Variants in ANKMY2 observed in about 807,000 individuals in gnomAD.
ANKMY2 encodes the protein ankyrin repeat and MYND domain containing 2, also known as ankyrin repeat and MYND domain-containing protein 2.
ANKMY2 carries 36 observed loss-of-function variants against 50.4 expected under a neutral mutation model. The observed-to-expected ratio is 0.71, with a 90% CI of 0.55 to 0.94. The LOEUF (loss-of-function observed/expected upper bound fraction) is 0.94, where lower values mean the gene tolerates loss of function less well. Ranked by LOEUF, ANKMY2 falls within the 40% of genes least tolerant of loss-of-function variation. ANKMY2 has a pLI of 0.00. For missense variants in ANKMY2, 565 were observed against 524.0 expected, an observed-to-expected ratio of 1.08 and a Z score of -0.76; for synonymous variants, 187 against 178.8, an observed-to-expected ratio of 1.05 and a Z score of -0.36.
chr7:16,612,383 C>T (rs1285232119), intron 5 of ANKMY2, among the ~76,000 whole-genome samples: 5 of 152,102 alleles, frequency 3.3e-5, no homozygotes, highest in African/African-American at 7.2e-5. Flanking sequence ...TTACAAAAAT[C>T]CAGCACTTAA....
chr7:16,627,614 T>C (rs1781523951), intron 2 of ANKMY2, among the ~76,000 whole-genome samples: 1 of 152,238 alleles, frequency 6.6e-6, no homozygotes, highest in Admixed American at 6.5e-5. Flanking sequence ...ATGAAGCTAT[T>C]AAATGAATGA....
chr7:16,631,172 C>T (rs1164224829), intron 2 of ANKMY2, among the ~76,000 whole-genome samples: 1 of 148,158 alleles, frequency 6.7e-6, no homozygotes, highest in Admixed American at 6.9e-5. Context: ...TTGTGGTGAT[C>T]CTATTTGTTT....
rs770307031 is a variant in ANKMY2 at position 16,600,916 on chromosome 7, C to T, written c.1171G>A (p.Val391Ile). The T allele has an allele frequency of 9.3e-5, 149 of 1,607,044 alleles. No individual in the cohort carries two copies. The East Asian group carries it at 2.3e-3, about 25-fold the overall frequency. ...HGKLDVNSNCVNEEQPEAEVG... is the reference protein window; with the variant it reads ...HGKLDVNSNCINEEQPEAEVG... ...TCAGCCTCTGGTTGCTCTTCATTAA[C>T]ACAGTTAGAATTGACATCAAGTTTG... Residue 391 changes from valine (V) to isoleucine (I), a missense_variant, in exon 10 of 10, where the codon GTT becomes ATT. Transcript: ENST00000306999.
chr7:16,645,245 G>C (rs1011137466), intron 1 of ANKMY2, among the ~76,000 whole-genome samples: 2 of 152,164 alleles, frequency 1.3e-5, no homozygotes, highest in African/African-American at 4.8e-5. Context: ...GGCGGGGCGT[G>C]GAAATCCGTA....
intron 6 of ANKMY2, among the ~76,000 whole-genome samples, chr7:16,610,028 C>G (rs954174206): frequency 6.6e-6 from 1 of 152,206 alleles, no homozygotes; most frequent in Non-Finnish European, 1.5e-5. Context: ...TAGCTAGTTA[C>G]TTATTACCAT....
intron 5 of ANKMY2, among the ~76,000 whole-genome samples, chr7:16,612,744 C>T (rs561266764): frequency 6.6e-6 from 1 of 152,120 alleles, no homozygotes; most frequent in South Asian, 2.1e-4. Context: ...CATTAACATG[C>T]GCTTATTGAA....
chr7:16,604,887 A>C (rs775199035), intron 7 of ANKMY2, 38 bp from the exon 8 acceptor site: 2 of 1,586,564 alleles, frequency 1.3e-6, no homozygotes, highest in Non-Finnish European at 1.7e-6. Context: ...ACAAATTCTG[A>C]AATCACCATG....
Position 16,636,463 on chromosome 7 carries a change from A to G in ANKMY2, c.68-8T>C. 1.3e-6 allele frequency: 2 copies of G among 1,575,206 alleles called. No homozygotes were observed. Among genetic ancestry groups the G allele is most frequent in the Admixed American group, 1.9e-5 (1 of 52,752 alleles). On this transcript the variant is annotated splice_region_variant and splice_polypyrimidine_tract_variant and intron_variant, in intron 1 of 9. Transcript: ENST00000306999. ...CAGCTTCTTGGACAGTACCTAAAAA[A>G]AAAAAAAAGATGAAAAGTAAGGTTA... is the stretch of plus-strand genomic sequence containing the variant.
chr7:16,633,417 T>C (rs1415241669), intron 2 of ANKMY2, among the ~76,000 whole-genome samples: 2 of 152,124 alleles, frequency 1.3e-5, no homozygotes, highest in Non-Finnish European at 1.5e-5. Context: ...AGTGCAATGA[T>C]AAACACTACA....
chr7:16,632,561 T>C (rs1413397903), intron 2 of ANKMY2, among the ~76,000 whole-genome samples: 1 of 152,256 alleles, frequency 6.6e-6, no homozygotes, highest in Non-Finnish European at 1.5e-5. Context: ...TCAAGGTTGA[T>C]GCATGTTGTA....
chr7:16,623,830 G>C (rs1388332244), intron 4 of ANKMY2, among the ~76,000 whole-genome samples: 1 of 152,070 alleles, frequency 6.6e-6, no homozygotes, highest in Non-Finnish European at 1.5e-5. Context: ...TGAAAATAAG[G>C]ATACTTCTTC....
At chr7:16,631,047 A>C (rs1328168765) in intron 2 of ANKMY2, among the ~76,000 whole-genome samples, 2 of 152,178 alleles carry the variant, frequency 1.3e-5, no homozygotes, top group African/African-American at 4.8e-5. Flanking sequence ...ATGATGCTAA[A>C]GTTTGTGGAA....
At position 16,636,454 on chromosome 7, in the gene ANKMY2, A is replaced by G. The variant is rs748971161; in HGVS notation, c.69T>C (p.Gly23=). ...EKELLEVIGK[G]TVQEAGTLLS... is the part of the protein sequence containing the mutation. ...ATAATGTTCCAGCTTCTTGGACAGT[A>G]CCTAAAAAAAAAAAAAAGATGAAAA... The change falls in exon 2 of 10, where the codon GGT becomes GGC. Residue 23 remains glycine, a splice_region_variant and synonymous_variant. Transcript: ENST00000306999. The G allele has an allele frequency of 2.6e-6, 4 of 1,560,040 alleles. No homozygotes were observed. In the African/African-American group the frequency reaches 4.2e-5, roughly 16 times the overall value.
intron 9 of ANKMY2, 27 bp downstream of exon 9, chr7:16,602,353 G>C (rs768267014): frequency 6.2e-7 from 1 of 1,605,444 alleles, no homozygotes; most frequent in Admixed American, 1.7e-5. Flanking sequence ...CTAAAAAGCA[G>C]AGTGAACTCG....
intron 8 of ANKMY2, 142 bp from the exon 9 acceptor site, chr7:16,602,651 T>C: frequency 8.7e-7 from 1 of 1,143,820 alleles, no homozygotes; most frequent in Non-Finnish European, 1.2e-6. Flanking sequence ...TGATATAGTT[T>C]GGATGTTGTC....
Position 16,606,107 on chromosome 7 carries a change from G to C in ANKMY2, c.883-1258C>G, listed in dbSNP as rs899188089. 6.0e-5 allele frequency among the ~76,000 whole-genome samples: 9 copies of C among 149,566 alleles called. No individual in the cohort carries two copies. The East Asian group carries it at 1.9e-3, about 32-fold the overall frequency. On this transcript the variant is annotated intron_variant, in intron 7 of 9. Coordinates refer to ENST00000306999, the MANE Select transcript of ANKMY2 (RefSeq NM_020319.3). ...GCTGGGACTACAGGCATGAGCCACC[G>C]CGCCTGGCCTATAAACTTTTTTTAC... is the stretch of plus-strand genomic sequence containing the variant.
chr7:16,640,531 T>C (rs1339232491), intron 1 of ANKMY2, among the ~76,000 whole-genome samples: 5 of 152,144 alleles, frequency 3.3e-5, no homozygotes, highest in Admixed American at 6.5e-5. Flanking sequence ...ATTGTTTTAA[T>C]TTTTTATAGA....
At position 16,599,965 on chromosome 7, in the gene ANKMY2, C is replaced by T. The variant is rs1375514085; in HGVS notation, c.*796G>A. 1.6e-4 allele frequency: 24 copies of T among 152,194 alleles called. No individual in the cohort carries two copies. The highest frequency in any genetic ancestry group is 4.4e-5 in the Non-Finnish European group (3 of 68,032). The allele number at this position is 152,194 out of a possible 1,614,324, so 9.4% of individuals were successfully genotyped here. ...GAAGTGCTCCATGAAAAGCTTATAG[C>T]AAGATAACTCAGGCTTTCAGGTGGA... On this transcript the variant is annotated 3_prime_UTR_variant, in exon 10 of 10. Transcript: ENST00000306999.
At chr7:16,607,500 T>A (rs1583667677) in intron 7 of ANKMY2, among the ~76,000 whole-genome samples, 1 of 151,878 alleles carries the variant, frequency 6.6e-6, no homozygotes, top group Non-Finnish European at 1.5e-5. Context: ...CCCGGAAGAC[T>A]GAGGTTGTAA....
Sources: allele counts gnomAD v4.1 joint callset (sites outside exome capture counted in the v4.1 genomes callset), GRCh38; gene constraint gnomAD v4.1.1; transcripts MANE v1.5; gene names NCBI Gene and HGNC (gene_info 2026-07-23, HGNC 2026-07-21).